SAMD3: variants seen among roughly 807,000 people sequenced by gnomAD.
SAMD3 encodes sterile alpha motif domain-containing protein 3.
In SAMD3, 63 loss-of-function variants were observed where a neutral mutation model predicts 58.5. The ratio of observed to expected loss-of-function variants is 1.08; its 90% CI spans 0.88 to 1.33. The LOEUF (loss-of-function observed/expected upper bound fraction) is 1.33. Among genes scored for constraint, SAMD3 ranks in the 40% most tolerant of loss-of-function variants. The pLI, the probability that SAMD3 is intolerant of heterozygous loss-of-function variation, is 0.00. For missense variants in SAMD3, 604 were observed against 608.4 expected, an observed-to-expected ratio of 0.99 and a Z score of 0.08; for synonymous variants, 220 against 210.3, an observed-to-expected ratio of 1.05 and a Z score of -0.40.
chr6:130,214,491 T>A lies in SAMD3; in HGVS notation c.115A>T (p.Asn39Tyr). Residue 39 changes from asparagine to tyrosine, a missense_variant, in exon 4 of 12, where the codon AAT becomes TAT. By Grantham distance (143) the Asn-to-Tyr change is moderately radical. Coordinates refer to ENST00000439090, the MANE Select transcript of SAMD3 (RefSeq NM_001017373.4). ...ACCAGTTGCTGAACCATCCGATCAT[T>A]AAGTGCAAGAAGAGCGGCCCCACTT... ...EVSGAALLAL[N>Y]DRMVQQLVKK... The A allele has an allele frequency of 6.2e-7, 1 of 1,610,150 alleles. No individual in the cohort carries two copies.
chr6:130,271,880 C>T (rs915115828), intron 2 of SAMD3, among the ~76,000 whole-genome samples: 4 of 152,168 alleles, frequency 2.6e-5, no homozygotes, highest in African/African-American at 9.7e-5. Context: ...CATCAGATCT[C>T]ATGAGACTTA....
In SAMD3 at chr6:130,337,181, G is replaced by T. The variant is rs1777125830; in HGVS notation, c.-303-24088C>A. On this transcript the variant is annotated intron_variant, in intron 1 of 13. Coordinates refer to the SAMD3 transcript ENST00000368134. ...TCTGGTGGGAGGTGACTGGATCATG[G>T]GGGTGGTTTCCCCATGCTGTTCTTG... Among the ~76,000 whole-genome samples, 6 of 152,220 alleles carry T rather than the reference G, an allele frequency of 3.9e-5. No individual in the cohort carries two copies. In the South Asian group the frequency reaches 1.2e-3, roughly 32 times the overall value.
At chr6:130,218,841 C>T (rs1796108717) in intron 1 of SAMD3, among the ~76,000 whole-genome samples, 1 of 152,056 alleles carries the variant, frequency 6.6e-6, no homozygotes, top group Non-Finnish European at 1.5e-5. Flanking sequence ...TGTTTTGGAA[C>T]CTCAGGGAGG....
At chr6:130,284,439 A>C (rs1264466569) in intron 2 of SAMD3, among the ~76,000 whole-genome samples, 2 of 152,198 alleles carry the variant, frequency 1.3e-5, no homozygotes, top group Non-Finnish European at 2.9e-5. Context: ...TATAGAAGGC[A>C]GGAAAAGATA....
At chr6:130,318,717 C>T (rs1439043232) in intron 1 of SAMD3, among the ~76,000 whole-genome samples, 1 of 152,206 alleles carries the variant, frequency 6.6e-6, no homozygotes, top group Non-Finnish European at 1.5e-5. Context: ...GCATGAGCCA[C>T]TGTGCCCAGC....
intron 1 of SAMD3, among the ~76,000 whole-genome samples, chr6:130,320,975 C>T (rs559099810): frequency 6.6e-6 from 1 of 152,304 alleles, no homozygotes; most frequent in South Asian, 2.1e-4. Context: ...ATGGGTAATG[C>T]TTCCCCAGAG....
intron 2 of SAMD3, among the ~76,000 whole-genome samples, chr6:130,262,899 G>A (rs953423658): frequency 2.0e-5 from 3 of 151,920 alleles, no homozygotes; most frequent in African/African-American, 7.3e-5. Flanking sequence ...TCTGTAAACT[G>A]GACATAAAAA....
chr6:130,281,485 C>A (rs146508838), intron 2 of SAMD3, among the ~76,000 whole-genome samples: 25 of 152,228 alleles, frequency 1.6e-4, no homozygotes, highest in Admixed American at 1.6e-3. Context: ...AATGCAATGT[C>A]CTCTTATCTC....
At position 130,145,410 on chromosome 6, in the gene SAMD3, G is replaced by C; in HGVS notation, c.1208C>G (p.Thr403Arg). The C allele has an allele frequency of 6.2e-7, 1 of 1,610,272 alleles. No homozygotes were observed. Among genetic ancestry groups the C allele is most frequent in the Non-Finnish European group, 8.5e-7 (1 of 1,177,368 alleles). ...ATCTGGGAGGAGTAAACATGTGGCT[G>C]TCATCTTCATGTCTGTCAAAGCAAA... Reference protein sequence around the residue: ...DEDMLKYMKMTATCLLLPDVF... With the variant: ...DEDMLKYMKMRATCLLLPDVF... The change falls in exon 11 of 12, where the codon ACA (threonine) becomes AGA (arginine). Residue 403 changes from threonine to arginine, a missense_variant. By Grantham distance (71) the Thr-to-Arg change is moderately conservative. Coordinates refer to ENST00000439090, the MANE Select transcript of SAMD3 (RefSeq NM_001017373.4).
At chr6:130,192,056 G>T (rs1793596056) in intron 5 of SAMD3, among the ~76,000 whole-genome samples, 1 of 152,108 alleles carries the variant, frequency 6.6e-6, no homozygotes, top group Non-Finnish European at 1.5e-5. Context: ...CCATGCATGT[G>T]GTTCTCCTCA....
chr6:130,345,125 A>C (rs1777404617), intron 1 of SAMD3, among the ~76,000 whole-genome samples: 1 of 152,178 alleles, frequency 6.6e-6, no homozygotes, highest in Non-Finnish European at 1.5e-5. Context: ...GTCTTTAATA[A>C]ATGAGTGTGG....
At chr6:130,270,602 A>G (rs934571848) in intron 2 of SAMD3, among the ~76,000 whole-genome samples, 1 of 152,212 alleles carries the variant, frequency 6.6e-6, no homozygotes, top group South Asian at 2.1e-4. Flanking sequence ...CTCACTTACA[A>G]ATATAAACCA....
chr6:130,291,057 A>G (rs1352775561), intron 2 of SAMD3, among the ~76,000 whole-genome samples: 1 of 151,928 alleles, frequency 6.6e-6, no homozygotes, highest in East Asian at 1.9e-4. Flanking sequence ...TTCACAAAAT[A>G]TGCATGCCAT....
intron 2 of SAMD3, among the ~76,000 whole-genome samples, chr6:130,243,033 C>T (rs1046830505): frequency 1.1e-4 from 16 of 152,296 alleles, no homozygotes; most frequent in South Asian, 4.1e-4. Flanking sequence ...TATAGTTTCA[C>T]ATCACAGAGG....
At chr6:130,241,206 C>G (rs1017501730) in intron 2 of SAMD3, among the ~76,000 whole-genome samples, 2 of 109,262 alleles carry the variant, frequency 1.8e-5, no homozygotes, top group Non-Finnish European at 3.4e-5. Context: ...CTTAAACCTC[C>G]TTTTTTTTTT....
intron 2 of SAMD3, among the ~76,000 whole-genome samples, chr6:130,271,745 T>C (rs960258391): frequency 1.3e-5 from 2 of 152,216 alleles, no homozygotes; most frequent in Non-Finnish European, 2.9e-5. Context: ...AGAGGTTTAA[T>C]GGACTCACAG....
intron 1 of SAMD3, among the ~76,000 whole-genome samples, chr6:130,357,692 A>G (rs761216967): frequency 1.1e-4 from 16 of 152,342 alleles, no homozygotes; most frequent in South Asian, 2.1e-4. Context: ...CCAACATTCT[A>G]ATGTGTATCT....
At chr6:130,193,610 T>A (rs1004858054) in intron 5 of SAMD3, among the ~76,000 whole-genome samples, 15 of 152,176 alleles carry the variant, frequency 9.9e-5, no homozygotes, top group Middle Eastern at 3.4e-3. Context: ...CACCCTCCAT[T>A]CCTCCAACTC....
At chr6:130,154,714 AAAAAATATATATAT>A (rs1293250320) in intron 9 of SAMD3, 97 bp downstream of exon 9, 90 of 89,698 alleles carry the variant, frequency 1.0e-3, no homozygotes, top group Middle Eastern at 5.7e-3. Context: ...AAAAAAAAAA[AAAAAATATATATAT>A]ATATATATAT....
Sources: allele counts gnomAD v4.1 joint callset (sites outside exome capture counted in the v4.1 genomes callset), GRCh38; gene constraint gnomAD v4.1.1; transcripts MANE v1.5; gene names NCBI Gene and HGNC (gene_info 2026-07-23, HGNC 2026-07-21).